The following PRKCB variants were observed in gnomAD, a reference collection of about 807,000 sequenced individuals.
PRKCB encodes protein kinase C beta.
Under a neutral mutation model 81.5 loss-of-function variants are expected in PRKCB, and 13 were observed. The ratio of observed to expected loss-of-function variants is 0.16; its 90% CI spans 0.10 to 0.25. The LOEUF (loss-of-function observed/expected upper bound fraction) is 0.25. PRKCB is among the 10% of genes least tolerant of loss of function. The pLI is 1.00. For missense variants in PRKCB, 509 were observed against 875.7 expected, an observed-to-expected ratio of 0.58 and a Z score of 5.29; for synonymous variants, 335 against 321.4, an observed-to-expected ratio of 1.04 and a Z score of -0.45.
At chr16:23,876,574 T>A (rs1963016738) in intron 2 of PRKCB, among the ~76,000 whole-genome samples, 1 of 100,956 alleles carries the variant, frequency 9.9e-6, no homozygotes. Flanking sequence ...CGGTTTCTTT[T>A]TCTTTTTGAA....
intron 5 of PRKCB, among the ~76,000 whole-genome samples, chr16:24,053,328 TGGGCTTTGG>T (rs977454916): frequency 3.9e-5 from 6 of 152,236 alleles, no homozygotes; most frequent in African/African-American, 1.4e-4. Flanking sequence ...AAGGGCCAGA[TGGGCTTTGG>T]AGCTATCTGG....
chr16:24,018,335 G>C (rs77400425), intron 3 of PRKCB, among the ~76,000 whole-genome samples: 1 of 152,220 alleles, frequency 6.6e-6, no homozygotes, highest in African/African-American at 2.4e-5. Context: ...ACAGGCGTGA[G>C]CCACCGGACC....
intron 2 of PRKCB, among the ~76,000 whole-genome samples, chr16:23,851,551 G>T (rs924011904): frequency 1.3e-5 from 2 of 152,170 alleles, no homozygotes; most frequent in African/African-American, 4.8e-5. Context: ...GCTCAATGTT[G>T]TCTTGGCTAT....
chr16:23,996,350 G>A (rs1964956397), intron 3 of PRKCB, among the ~76,000 whole-genome samples: 1 of 152,202 alleles, frequency 6.6e-6, no homozygotes, highest in Non-Finnish European at 1.5e-5. Flanking sequence ...TGGTGGCAGG[G>A]ATGGAGGTTA....
Position 24,215,707 on chromosome 16 carries a change from CAAATGTTATTAACCACAATG to C in PRKCB, c.*893_*912del, listed in dbSNP as rs1448169151. 1 of 985,004 alleles carries C rather than the reference CAAATGTTATTAACCACAATG, an allele frequency of 1.0e-6. No individual in the cohort carries two copies. Among genetic ancestry groups the C allele is most frequent in the Admixed American group, 6.2e-5 (1 of 16,242 alleles). The allele number at this position is 985,004 out of a possible 1,614,324, so 61.0% of individuals were successfully genotyped here. A position where few individuals can be genotyped will look rare whatever the true frequency, so the allele number is the denominator to read the frequency against. On this transcript the variant is annotated 3_prime_UTR_variant, in exon 17 of 17. Transcript: ENST00000643927. ...TTACACATGCTTTAAAATATGTATT[CAAATGTTATTAACCACAATG>C]ACGACCTGCTTTGATTTAACCAAGA...
chr16:24,058,868 A>T (rs542721434), intron 5 of PRKCB, among the ~76,000 whole-genome samples: 6 of 152,348 alleles, frequency 3.9e-5, no homozygotes, highest in Middle Eastern at 3.4e-3. Context: ...CTAGAGCTGT[A>T]GAGACCCATC....
intron 3 of PRKCB, among the ~76,000 whole-genome samples, chr16:24,023,841 C>T (rs1965440891): frequency 6.6e-6 from 1 of 152,190 alleles, no homozygotes; most frequent in Admixed American, 6.5e-5. Context: ...CCCTCCATGA[C>T]GTGGTGACTA....
At chr16:24,099,513 G>A (rs1405702307) in intron 7 of PRKCB, 1 of 152,208 alleles carries the variant, frequency 6.6e-6, no homozygotes, top group African/African-American at 2.4e-5. Flanking sequence ...GTTCTGGGGA[G>A]GCAGAAGTTA....
At chr16:24,031,990 G>C in intron 3 of PRKCB, 146 bp from the exon 4 acceptor site, 1 of 573,140 alleles carries the variant, frequency 1.7e-6, no homozygotes, top group South Asian at 2.3e-5. Flanking sequence ...CTGGGCACAG[G>C]GCTCCAGCGA....
At chr16:23,882,829 C>T (rs1963145087) in intron 2 of PRKCB, among the ~76,000 whole-genome samples, 1 of 149,988 alleles carries the variant, frequency 6.7e-6, no homozygotes, top group Non-Finnish European at 1.5e-5. Flanking sequence ...CCCAAGCAAT[C>T]CTCCTACCTC....
intron 2 of PRKCB, among the ~76,000 whole-genome samples, chr16:23,959,249 GT>G (rs1228397978): frequency 6.6e-6 from 1 of 152,144 alleles, no homozygotes; most frequent in Non-Finnish European, 1.5e-5. Context: ...TATATCAGAG[GT>G]GTTATGGTGA....
At chr16:23,932,075 A>C (rs767399434) in intron 2 of PRKCB, among the ~76,000 whole-genome samples, 4 of 152,250 alleles carry the variant, frequency 2.6e-5, no homozygotes, top group Admixed American at 6.5e-5. Context: ...AATACAGAGA[A>C]TATGTAGGAA....
intron 3 of PRKCB, among the ~76,000 whole-genome samples, chr16:24,015,313 T>A (rs1409711564): frequency 6.6e-6 from 1 of 152,244 alleles, no homozygotes; most frequent in African/African-American, 2.4e-5. Context: ...TCAAGTAGCT[T>A]GCTCGAGGCT....
At chr16:24,112,470 C>T (rs531252592) in intron 7 of PRKCB, among the ~76,000 whole-genome samples, 1 of 152,110 alleles carries the variant, frequency 6.6e-6, no homozygotes, top group African/African-American at 2.4e-5. Context: ...CCCAGGAGCT[C>T]GAGGCTTCAG....
chr16:23,851,465 G>A (rs751635407), intron 2 of PRKCB, among the ~76,000 whole-genome samples: 13 of 152,068 alleles, frequency 8.5e-5, no homozygotes, highest in East Asian at 1.9e-4. Context: ...TGCTAGTACC[G>A]TGCTGTTTTG....
chr16:23,934,021 TCATCCATCCATC>T (rs67394616), intron 2 of PRKCB, among the ~76,000 whole-genome samples: 1 of 142,374 alleles, frequency 7.0e-6, no homozygotes. Context: ...TTCTACCCAC[TCATCCATCCATC>T]CATCCATCCA....
intron 2 of PRKCB, among the ~76,000 whole-genome samples, chr16:23,954,137 CG>C (rs1217546627): frequency 6.6e-6 from 1 of 151,894 alleles, no homozygotes. Flanking sequence ...GTAGTAGAGA[CG>C]GGGTTTCATC....
intron 2 of PRKCB, among the ~76,000 whole-genome samples, chr16:23,884,116 A>ATGGC (rs1963163746): frequency 6.6e-6 from 1 of 152,208 alleles, no homozygotes. Flanking sequence ...GTAGCCACAT[A>ATGGC]TGGCTAGTGG....
intron 5 of PRKCB, among the ~76,000 whole-genome samples, chr16:24,046,299 C>T (rs925188098): frequency 1.3e-5 from 2 of 152,254 alleles, no homozygotes; most frequent in African/African-American, 4.8e-5. Flanking sequence ...GCCTTTCCCA[C>T]TCCTCCAACA....
Sources: gnomAD v4.1 joint callset for allele counts (sites outside exome capture counted in the v4.1 genomes callset) on GRCh38, gnomAD v4.1.1 for gene constraint, MANE v1.5 for transcripts, NCBI Gene and HGNC (gene_info 2026-07-23, HGNC 2026-07-21) for gene names.